The following GBE1 variants were observed in gnomAD, a reference collection of about 807,000 sequenced individuals.
The protein encoded by GBE1 is 1,4-alpha-glucan branching enzyme 1, also known as 1,4-alpha-glucan-branching enzyme.
GBE1 carries 70 observed loss-of-function variants against 88.8 expected under a neutral mutation model. That is an observed-to-expected ratio of 0.79 (90% CI 0.65 to 0.96). GBE1 has a LOEUF of 0.96. Among genes scored for constraint, GBE1 ranks in the 40% least tolerant of loss-of-function variants. The pLI, the probability that GBE1 is intolerant of heterozygous loss-of-function variation, is 0.00. For synonymous variants in GBE1, 284 were observed against 300.1 expected (o/e 0.95, Z 0.56); for missense variants, 872 against 871.0 (o/e 1.00, Z -0.01).
At chr3:81,655,705 A>G (rs962537950) in intron 3 of GBE1, among the ~76,000 whole-genome samples, 3 of 151,992 alleles carry the variant, frequency 2.0e-5, no homozygotes, top group African/African-American at 7.3e-5. Context: ...TTTTTAGTAG[A>G]GGCAGGGTTT....
At chr3:81,674,464 G>C (rs1275522788) in intron 2 of GBE1, among the ~76,000 whole-genome samples, 1 of 151,914 alleles carries the variant, frequency 6.6e-6, no homozygotes, top group East Asian at 1.9e-4. Context: ...GTAATTGCAG[G>C]AACCAATCAT....
At chr3:81,524,573 T>G (rs1702919392) in intron 14 of GBE1, among the ~76,000 whole-genome samples, 1 of 151,782 alleles carries the variant, frequency 6.6e-6, no homozygotes, top group Non-Finnish European at 1.5e-5. Context: ...TCCACTTTGA[T>G]TTGTTTTTTG....
chr3:81,664,209 T>A (rs1705077162), intron 3 of GBE1, among the ~76,000 whole-genome samples: 1 of 152,042 alleles, frequency 6.6e-6, no homozygotes. Flanking sequence ...ACTCTTTTTA[T>A]GAAAAATAAG....
chr3:81,760,780 A>G (rs1706668641), intron 1 of GBE1, among the ~76,000 whole-genome samples: 1 of 152,230 alleles, frequency 6.6e-6, no homozygotes, highest in Non-Finnish European at 1.5e-5. Flanking sequence ...GTTGATGTAC[A>G]TTTAACTTCT....
At chr3:81,570,589 G>C (rs984817114) in intron 12 of GBE1, among the ~76,000 whole-genome samples, 1 of 152,100 alleles carries the variant, frequency 6.6e-6, no homozygotes, top group Non-Finnish European at 1.5e-5. Flanking sequence ...TGTGTATCAG[G>C]AAATGAAATT....
chr3:81,705,360 G>C, intron 2 of GBE1, 84 bp downstream of exon 2: 1 of 1,018,692 alleles, frequency 9.8e-7, no homozygotes, highest in Non-Finnish European at 1.4e-6. Context: ...AGTTCATATG[G>C]TTAAATACAT....
chr3:81,551,610 C>A (rs1297100656), intron 12 of GBE1, among the ~76,000 whole-genome samples: 1 of 152,188 alleles, frequency 6.6e-6, no homozygotes, highest in African/African-American at 2.4e-5. Context: ...TTCCAGTTGT[C>A]CCACCTGTCC....
At chr3:81,671,891 T>C (rs1705195993) in intron 2 of GBE1, among the ~76,000 whole-genome samples, 1 of 151,970 alleles carries the variant, frequency 6.6e-6, no homozygotes, top group Non-Finnish European at 1.5e-5. Flanking sequence ...ATTGGGAGAA[T>C]ACATTTGTAG....
intron 7 of GBE1, among the ~76,000 whole-genome samples, chr3:81,634,452 T>C (rs1704563345): frequency 6.6e-6 from 1 of 152,250 alleles, no homozygotes; most frequent in East Asian, 1.9e-4. Context: ...TGATTATTGC[T>C]ATTATTAGTG....
At chr3:81,740,645 T>G (rs1706334634) in intron 1 of GBE1, among the ~76,000 whole-genome samples, 1 of 151,988 alleles carries the variant, frequency 6.6e-6, no homozygotes, top group South Asian at 2.1e-4. Flanking sequence ...ATTATAAGAT[T>G]TTGCTGTCTT....
chr3:81,635,955 T>C (rs955079202), intron 7 of GBE1, among the ~76,000 whole-genome samples: 18 of 152,274 alleles, frequency 1.2e-4, no homozygotes, highest in Admixed American at 3.9e-4. Flanking sequence ...ACTTTCAAAA[T>C]ATCCCTGTGC....
At chr3:81,565,153 T>C (rs944167130) in intron 12 of GBE1, among the ~76,000 whole-genome samples, 1 of 152,216 alleles carries the variant, frequency 6.6e-6, no homozygotes. Flanking sequence ...TTTGTATCTC[T>C]GAGCATTTTA....
At chr3:81,737,335 A>ATATATATTTATATAAATATATATT (rs1188772456) in intron 1 of GBE1, among the ~76,000 whole-genome samples, 2 of 87,182 alleles carry the variant, frequency 2.3e-5, no homozygotes, top group Non-Finnish European at 4.7e-5. Context: ...ATATATTTTT[A>ATATATATTTATATAAATATATATT]TATATATTTA....
intron 7 of GBE1, among the ~76,000 whole-genome samples, chr3:81,608,967 T>C (rs1213281830): frequency 2.0e-5 from 3 of 152,122 alleles, no homozygotes; most frequent in Non-Finnish European, 4.4e-5. Flanking sequence ...AAAACCTGAA[T>C]GCTTATAGGC....
rs568113818 is a variant in GBE1 at position 81,598,475 on chromosome 3, A to G, written c.993-4452T>C. 2.2e-3 allele frequency among the ~76,000 whole-genome samples: 336 copies of G among 152,120 alleles called. 1 individual carries two copies. The highest frequency in any genetic ancestry group is 5.6e-3 in the South Asian group (27 of 4,824). ...TTCTAAAATGTCAATGTTTAATATA[A>G]TAACAGGTAACATCAAACTACCTGG... is the stretch of plus-strand genomic sequence containing the variant. On this transcript the variant is annotated intron_variant, in intron 7 of 15. Transcript: ENST00000429644.
intron 3 of GBE1, among the ~76,000 whole-genome samples, chr3:81,657,433 A>C (rs1341929851): frequency 6.6e-6 from 1 of 152,154 alleles, no homozygotes; most frequent in Non-Finnish European, 1.5e-5. Context: ...CCTAACTAGG[A>C]AGATGAAAAT....
chr3:81,651,828 C>T (rs998768036), intron 3 of GBE1, among the ~76,000 whole-genome samples: 1 of 152,168 alleles, frequency 6.6e-6, no homozygotes, highest in African/African-American at 2.4e-5. Context: ...AGAGAAAATA[C>T]TTGCAATTTT....
chr3:81,671,789 T>C (rs1559683053), intron 2 of GBE1, among the ~76,000 whole-genome samples: 1 of 152,070 alleles, frequency 6.6e-6, no homozygotes, highest in South Asian at 2.1e-4. Context: ...TTTAAAACTA[T>C]AAAACTTTTA....
intron 14 of GBE1, among the ~76,000 whole-genome samples, chr3:81,526,760 G>A (rs1702949678): frequency 6.6e-6 from 1 of 152,084 alleles, no homozygotes; most frequent in African/African-American, 2.4e-5. Flanking sequence ...CTCATGGGTA[G>A]GAAGAATCAA....
Sources: allele counts gnomAD v4.1 joint callset (sites outside exome capture counted in the v4.1 genomes callset), GRCh38; gene constraint gnomAD v4.1.1; transcripts MANE v1.5; gene names NCBI Gene and HGNC (gene_info 2026-07-23, HGNC 2026-07-21).